ITGBL1: variants seen among roughly 807,000 people sequenced by gnomAD.
ITGBL1 encodes the protein integrin subunit beta like 1, also known as integrin beta-like protein 1.
Under a neutral mutation model 68.5 loss-of-function variants are expected in ITGBL1, and 51 were observed. The ratio of observed to expected loss-of-function variants is 0.74; its 90% confidence interval spans 0.59 to 0.94. ITGBL1 has a LOEUF of 0.94. Ranked by LOEUF, ITGBL1 falls within the 40% of genes least tolerant of loss-of-function variation. The probability of loss-of-function intolerance (pLI) is 0.00; values close to 1 mark genes in which losing one functional copy is unlikely to be tolerated. For missense variants in ITGBL1, 649 were observed against 647.4 expected (o/e 1.00, Z -0.03); for synonymous variants, 209 against 227.3 (o/e 0.92, Z 0.72).
rs2034677512 is a variant in ITGBL1 at position 101,715,506 on chromosome 13, GT to G, written c.1394-54del. On this transcript the variant is annotated intron_variant, in intron 10 of 10. Coordinates refer to ENST00000376180, the MANE Select transcript of ITGBL1 (RefSeq NM_004791.3). ...GGACACTTGTGATTTATAATAGCAT[GT>G]TTAAATTTGGCACATTTTGATCATA... The G allele has an allele frequency of 2.5e-6, 3 of 1,181,328 alleles. No individual in the cohort carries two copies. In the Admixed American group the frequency reaches 5.1e-5, roughly 20 times the overall value. 73.2% of individuals were successfully genotyped at this position (1,181,328 alleles called of 1,614,324 possible).
chr13:101,529,765 A>G (rs1466995570), intron 2 of ITGBL1, among the ~76,000 whole-genome samples: 3 of 152,172 alleles, frequency 2.0e-5, no homozygotes, highest in Non-Finnish European at 4.4e-5. Context: ...TCCTGCCGCC[A>G]TAAAAGACTT....
chr13:101,474,674 A>T (rs1304406), intron 2 of ITGBL1, among the ~76,000 whole-genome samples: 21,654 of 152,158 alleles, frequency 0.14, 2,045 homozygotes, highest in East Asian at 0.43. Context: ...TAGTAGTTGC[A>T]ACAGGGGTGC....
At chr13:101,482,123 G>T in intron 2 of ITGBL1, among the ~76,000 whole-genome samples, 1 of 152,156 alleles carries the variant, frequency 6.6e-6, no homozygotes, top group East Asian at 1.9e-4. Context: ...GCTTGAAAAA[G>T]TTGACTTTTG....
At chr13:101,565,119 G>A (rs2050163296) in intron 2 of ITGBL1, among the ~76,000 whole-genome samples, 1 of 151,938 alleles carries the variant, frequency 6.6e-6, no homozygotes, top group African/African-American at 2.4e-5. Flanking sequence ...AAGCCACCAA[G>A]TTTGTGGTGC....
intron 2 of ITGBL1, among the ~76,000 whole-genome samples, chr13:101,482,090 A>G (rs2048633578): frequency 6.6e-6 from 1 of 152,200 alleles, no homozygotes; most frequent in African/African-American, 2.4e-5. Context: ...TTATTACGTA[A>G]TGAGCATGTA....
chr13:101,468,494 G>A (rs556754160), intron 2 of ITGBL1, among the ~76,000 whole-genome samples: 1 of 152,212 alleles, frequency 6.6e-6, no homozygotes, highest in Non-Finnish European at 1.5e-5. Flanking sequence ...TGCTAAGTAA[G>A]CCTGAGGAGA....
At chr13:101,579,743 C>T (rs935892648) in intron 5 of ITGBL1, among the ~76,000 whole-genome samples, 16 of 152,172 alleles carry the variant, frequency 1.1e-4, no homozygotes, top group Admixed American at 3.9e-4. Context: ...TTAGATACTT[C>T]TGTTAAATGT....
At chr13:101,680,063 C>G (rs1481571486) in intron 7 of ITGBL1, among the ~76,000 whole-genome samples, 1 of 152,156 alleles carries the variant, frequency 6.6e-6, no homozygotes, top group African/African-American at 2.4e-5. Flanking sequence ...ACGTGGCTTG[C>G]ATTATATGAA....
chr13:101,473,855 C>T (rs1377846094), intron 2 of ITGBL1, among the ~76,000 whole-genome samples: 1 of 152,164 alleles, frequency 6.6e-6, no homozygotes, highest in Non-Finnish European at 1.5e-5. Context: ...AGGAAACCCA[C>T]TACCTTGAAG....
chr13:101,627,715 G>A (rs1333066787), intron 7 of ITGBL1, among the ~76,000 whole-genome samples: 2 of 152,144 alleles, frequency 1.3e-5, no homozygotes, highest in African/African-American at 4.8e-5. Flanking sequence ...AGGCTTTTCA[G>A]ATTGGTTTCT....
chr13:101,710,840 T>G (rs1397941939), intron 9 of ITGBL1: 2 of 152,134 alleles, frequency 1.3e-5, no homozygotes, highest in Admixed American at 1.3e-4. Context: ...CTTTACAAAT[T>G]TATAGCCAAG....
At chr13:101,639,516 T>C (rs1209889274) in intron 7 of ITGBL1, among the ~76,000 whole-genome samples, 1 of 152,158 alleles carries the variant, frequency 6.6e-6, no homozygotes, top group Non-Finnish European at 1.5e-5. Flanking sequence ...TTCAAATATA[T>C]ATAAGAAGAA....
intron 2 of ITGBL1, among the ~76,000 whole-genome samples, chr13:101,469,181 A>G (rs2048423710): frequency 6.6e-6 from 1 of 152,226 alleles, no homozygotes; most frequent in Non-Finnish European, 1.5e-5. Context: ...GATCAAAGCT[A>G]TGCGAGCCAA....
At chr13:101,654,650 A>G (rs1350279888) in intron 7 of ITGBL1, among the ~76,000 whole-genome samples, 1 of 152,196 alleles carries the variant, frequency 6.6e-6, no homozygotes. Context: ...CGGTCATGTT[A>G]CATTTGAGGT....
intron 7 of ITGBL1, among the ~76,000 whole-genome samples, chr13:101,689,617 C>A (rs1201919675): frequency 6.6e-6 from 1 of 151,688 alleles, no homozygotes; most frequent in Non-Finnish European, 1.5e-5. Context: ...AAAAAAAACC[C>A]AAAAAAATAT....
At chr13:101,460,063 G>T (rs2048297651) in intron 2 of ITGBL1, among the ~76,000 whole-genome samples, 1 of 152,026 alleles carries the variant, frequency 6.6e-6, no homozygotes, top group South Asian at 2.1e-4. Context: ...CCTACTTGTG[G>T]ATTTACTCAG....
chr13:101,483,011 A>G (rs2048648573), intron 2 of ITGBL1, among the ~76,000 whole-genome samples: 1 of 152,188 alleles, frequency 6.6e-6, no homozygotes, highest in African/African-American at 2.4e-5. Flanking sequence ...AGTTTAAGAA[A>G]CACTGGTATA....
intron 2 of ITGBL1, among the ~76,000 whole-genome samples, chr13:101,534,585 A>G (rs570855014): frequency 1.3e-5 from 2 of 152,316 alleles, no homozygotes; most frequent in African/African-American, 2.4e-5. Context: ...CACAACTGAC[A>G]GGACCAGTGA....
intron 7 of ITGBL1, among the ~76,000 whole-genome samples, chr13:101,605,086 A>G (rs939353852): frequency 6.9e-6 from 1 of 145,032 alleles, no homozygotes; most frequent in South Asian, 2.1e-4. Context: ...ATATATGCGT[A>G]TATGTGTATA....
Sources: gnomAD v4.1 joint callset for allele counts (sites outside exome capture counted in the v4.1 genomes callset) on GRCh38, gnomAD v4.1.1 for gene constraint, MANE v1.5 for transcripts, NCBI Gene and HGNC (gene_info 2026-07-23, HGNC 2026-07-21) for gene names.